The following UBE2O variants were observed in gnomAD, a reference collection of about 807,000 sequenced individuals.
UBE2O encodes ubiquitin conjugating enzyme E2 O, also known as (E3-independent) E2 ubiquitin-conjugating enzyme.
In UBE2O, 15 loss-of-function variants were observed where a neutral mutation model predicts 125.8. The observed-to-expected ratio is 0.12, with a 90% CI of 0.08 to 0.18. UBE2O has a LOEUF of 0.18. Among genes scored for constraint, UBE2O ranks in the 10% least tolerant of loss-of-function variants. UBE2O has a pLI of 1.00. For synonymous variants in UBE2O, 708 were observed against 703.2 expected, an observed-to-expected ratio of 1.01 and a Z score of -0.11; for missense variants, 1,280 against 1,723.6, an observed-to-expected ratio of 0.74 and a Z score of 4.56.
chr17:76,399,934 AGCAGAGAG>A lies in UBE2O; in HGVS notation c.1156-21_1156-14del, dbSNP rs2072288623. 1 of 1,588,834 alleles carries A rather than the reference AGCAGAGAG, an allele frequency of 6.3e-7. No homozygotes were observed. On this transcript the variant is annotated splice_polypyrimidine_tract_variant and intron_variant, in intron 8 of 17. Coordinates refer to ENST00000319380, the MANE Select transcript of UBE2O (RefSeq NM_022066.4). This position sits in a 1 kb window ranked among gnomAD's most constrained non-coding sequence, Gnocchi z 6.9. ...ACAGGCGCTTCACCTGCAAGGGCGGAGCAGAGAGGACAGGGCTGTGAGGTGCACCTGGG... is the reference window on the plus strand; with the variant it reads ...ACAGGCGCTTCACCTGCAAGGGCGGAGACAGGGCTGTGAGGTGCACCTGGG...
chr17:76,440,000 A>G (rs2073053455), intron 1 of UBE2O, among the ~76,000 whole-genome samples: 1 of 152,202 alleles, frequency 6.6e-6, no homozygotes, highest in African/African-American at 2.4e-5. Context: ...CCTAGCACCT[A>G]CTTTGGGCCA....
In UBE2O at chr17:76,405,308, C is replaced by A; in HGVS notation, c.486G>T (p.Gln162His). ...VVRHMRSTDS[Q>H]CGTVIDVNID... Reference sequence around the variant, plus strand: ...TGTTGACGTCGATCACCGTGCCACACTGACTGTCCTGGGGGAGGGAGGAGA... The same window carrying A: ...TGTTGACGTCGATCACCGTGCCACAATGACTGTCCTGGGGGAGGGAGGAGA... Residue 162 changes from glutamine (Q) to histidine (H), a missense_variant, in exon 3 of 18, where the codon CAG becomes CAT. Around this residue, in one of 10 missense-constraint regions of UBE2O, gnomAD observed 206 missense variants for 315.7 expected, o/e 0.65. Coordinates refer to ENST00000319380, the MANE Select transcript of UBE2O (RefSeq NM_022066.4). This position sits in a 1 kb window ranked among gnomAD's most constrained non-coding sequence, Gnocchi z 6.1. 1 of 1,610,736 alleles carries A rather than the reference C, an allele frequency of 6.2e-7. No individual in the cohort carries two copies. The highest frequency in any genetic ancestry group is 8.5e-7 in the Non-Finnish European group (1 of 1,177,522).
intron 1 of UBE2O, among the ~76,000 whole-genome samples, chr17:76,420,170 G>A (rs1394697923): frequency 6.6e-6 from 1 of 152,130 alleles, no homozygotes; most frequent in Non-Finnish European, 1.5e-5. Flanking sequence ...AAAATGCACC[G>A]TACCTTCCTA....
chr17:76,393,475 C>T (rs569699015), intron 15 of UBE2O, among the ~76,000 whole-genome samples: 12 of 151,746 alleles, frequency 7.9e-5, no homozygotes, highest in Admixed American at 2.0e-4. Flanking sequence ...CCTTGTGATC[C>T]GCCCACCTTG....
Position 76,399,332 on chromosome 17 carries a change from G to GT in UBE2O, c.1628+116_1628+117insA. 2 of 1,045,098 alleles carry GT rather than the reference G, an allele frequency of 1.9e-6. No individual in the cohort carries two copies. The highest frequency in any genetic ancestry group is 1.6e-5 in the South Asian group (1 of 62,604). The allele number at this position is 1,045,098 out of a possible 1,614,324, so 64.7% of individuals were successfully genotyped here. A position where few individuals can be genotyped will look rare whatever the true frequency, so the allele number is the denominator to read the frequency against. On this transcript the variant is annotated intron_variant, in intron 9 of 17. Transcript: ENST00000319380. The surrounding 1 kb of genome is among the most constrained non-coding windows in gnomAD (Gnocchi z 6.9). Reference sequence around the variant, plus strand: ...CGTTGTCTCGGGTGGGAGCCCCGGAGCCACTACAAGGCATGCAGAGGTGTG... The same window carrying GT: ...CGTTGTCTCGGGTGGGAGCCCCGGAGTCCACTACAAGGCATGCAGAGGTGTG...
chr17:76,415,089 G>A (rs1055624940), intron 1 of UBE2O, among the ~76,000 whole-genome samples: 2 of 152,176 alleles, frequency 1.3e-5, no homozygotes, highest in African/African-American at 4.8e-5. Flanking sequence ...TTTCAGATGC[G>A]ACAGGCTGCG....
chr17:76,425,290 AC>A (rs1365078542), intron 1 of UBE2O, among the ~76,000 whole-genome samples: 1 of 150,858 alleles, frequency 6.6e-6, no homozygotes, highest in Non-Finnish European at 1.5e-5. Context: ...ATTTTAAAGG[AC>A]CTACTTGGCT....
intron 13 of UBE2O, among the ~76,000 whole-genome samples, chr17:76,397,310 CCT>C (rs1006859650): frequency 3.9e-4 from 59 of 152,320 alleles, no homozygotes; most frequent in African/African-American, 1.1e-3. Flanking sequence ...ACTCCTGCCC[CCT>C]GTGTGGACCA....
At chr17:76,435,793 C>G (rs910587714) in intron 1 of UBE2O, among the ~76,000 whole-genome samples, 1 of 152,224 alleles carries the variant, frequency 6.6e-6, no homozygotes, top group Non-Finnish European at 1.5e-5. Flanking sequence ...ATTCCCTGAG[C>G]TGAAGGCACG....
At chr17:76,420,667 TCA>T (rs1237239299) in intron 1 of UBE2O, among the ~76,000 whole-genome samples, 11 of 152,170 alleles carry the variant, frequency 7.2e-5, no homozygotes, top group Non-Finnish European at 1.6e-4. Flanking sequence ...CATTTCTTTT[TCA>T]CAGAGAAGCA....
intron 1 of UBE2O, among the ~76,000 whole-genome samples, chr17:76,430,057 G>A (rs1429097298): frequency 2.0e-5 from 3 of 152,170 alleles, no homozygotes; most frequent in Non-Finnish European, 4.4e-5. Context: ...CACCTTGAGT[G>A]CCACCAATTG....
rs35062714 is a variant in UBE2O at position 76,419,283 on chromosome 17, CAAAA to C, written c.418-13715_418-13712del. On this transcript the variant is annotated intron_variant, in intron 1 of 17. Coordinates refer to ENST00000319380, the MANE Select transcript of UBE2O (RefSeq NM_022066.4). ...TGGGTGACAGAGTAAGACCCTATCT[CAAAA>C]AAAAAAAAAAAAAAAAAAAAATCCC... is the stretch of plus-strand genomic sequence containing the variant. 9.8e-3 allele frequency among the ~76,000 whole-genome samples: 618 copies of C among 63,270 alleles called. 5 individuals are homozygous for C. The highest frequency in any genetic ancestry group is 0.038 in the African/African-American group (584 of 15,350). The allele number at this position is 63,270 out of a possible 152,430, so 41.5% of individuals were successfully genotyped here. A position where few individuals can be genotyped will look rare whatever the true frequency, so the allele number is the denominator to read the frequency against.
rs1433494606 is a variant in UBE2O at position 76,452,741 on chromosome 17, T to C, written c.401A>G (p.His134Arg). 6.7e-7 allele frequency: 1 copy of C among 1,497,410 alleles called. No homozygotes were observed. Among genetic ancestry groups the C allele is most frequent in the African/African-American group, 1.4e-5 (1 of 69,302 alleles). 92.8% of individuals were successfully genotyped at this position (1,497,410 alleles called of 1,614,324 possible). ...VQWYPEGVKQ[H>R]VKETKLKLED... ...CCGCCGCACCTTGGTCTCCTTCACA[T>C]GCTGCTTGACGCCCTCCGGGTACCA... The change falls in exon 1 of 18, where the codon CAT (histidine) becomes CGT (arginine). Residue 134 changes from histidine to arginine, a missense_variant. By Grantham distance (29) the His-to-Arg change is conservative. Around this residue, in one of 10 missense-constraint regions of UBE2O, gnomAD observed 188 missense variants for 192.5 expected, o/e 0.98. Coordinates refer to ENST00000319380, the MANE Select transcript of UBE2O (RefSeq NM_022066.4). The surrounding 1 kb of genome is among the most constrained non-coding windows in gnomAD (Gnocchi z 4.4).
Position 76,390,729 on chromosome 17 carries a change from G to A in UBE2O, c.*214C>T, listed in dbSNP as rs78004313. On this transcript the variant is annotated 3_prime_UTR_variant, in exon 18 of 18. Transcript: ENST00000319380. Reference sequence around the variant, plus strand: ...CAGGGTTCCGATTTTCTTTGCCACAGGGGACCCGCCTGTTGAAAGCTCGCT... The same window carrying A: ...CAGGGTTCCGATTTTCTTTGCCACAAGGGACCCGCCTGTTGAAAGCTCGCT... 4.4e-3 allele frequency: 2,035 copies of A among 458,864 alleles called. 38 individuals are homozygous for A. Among genetic ancestry groups the A allele is most frequent in the African/African-American group, 0.038 (1,898 of 49,830 alleles). 28.4% of individuals were successfully genotyped at this position (458,864 alleles called of 1,614,324 possible).
Position 76,396,968 on chromosome 17 carries a change from C to A in UBE2O, c.2116-147G>T. 1 of 679,288 alleles carries A rather than the reference C, an allele frequency of 1.5e-6. No homozygotes were observed. Among genetic ancestry groups the A allele is most frequent in the Admixed American group, 3.1e-5 (1 of 32,476 alleles). The allele number at this position is 679,288 out of a possible 1,614,324, so 42.1% of individuals were successfully genotyped here. A position where few individuals can be genotyped will look rare whatever the true frequency, so the allele number is the denominator to read the frequency against. On this transcript the variant is annotated intron_variant, in intron 13 of 17. Transcript: ENST00000319380. This position sits in a 1 kb window ranked among gnomAD's most constrained non-coding sequence, Gnocchi z 6.7. ...CAACCTCATTCCACCCTTTCCCTGA[C>A]CTCTGCTCTGGCTTTTGCAGTCCCT...
Position 76,398,439 on chromosome 17 carries a change from C to T in UBE2O, c.1896+33G>A. 6.2e-7 allele frequency: 1 copy of T among 1,614,072 alleles called. No individual in the cohort carries two copies. Among genetic ancestry groups the T allele is most frequent in the East Asian group, 2.2e-5 (1 of 44,886 alleles). On this transcript the variant is annotated intron_variant, in intron 11 of 17. Transcript: ENST00000319380. The surrounding 1 kb of genome is among the most constrained non-coding windows in gnomAD (Gnocchi z 5.4). ...GGGGTCCTACACCCAACCCCAGAGC[C>T]CACCTGAAGCAAGCAGTAGGGGCTG...
At chr17:76,433,669 G>A (rs548015366) in intron 1 of UBE2O, among the ~76,000 whole-genome samples, 21 of 150,604 alleles carry the variant, frequency 1.4e-4, no homozygotes, top group South Asian at 6.3e-4. Flanking sequence ...TGAGTATTGC[G>A]CCACTGCATT....
chr17:76,430,153 TTC>T (rs1479432304), intron 1 of UBE2O, among the ~76,000 whole-genome samples: 1 of 152,212 alleles, frequency 6.6e-6, no homozygotes, highest in East Asian at 1.9e-4. Context: ...CTGCTCAGTC[TTC>T]TGTTTGCCTT....
At chr17:76,435,441 CACACACACACACACAA>C (rs1158815386) in intron 1 of UBE2O, among the ~76,000 whole-genome samples, 13 of 151,504 alleles carry the variant, frequency 8.6e-5, no homozygotes, top group African/African-American at 3.1e-4. Flanking sequence ...CACACACACA[CACACACACACACACAA>C]AGATTAAGAT....
Sources: allele counts gnomAD v4.1 joint callset (sites outside exome capture counted in the v4.1 genomes callset), GRCh38; gene constraint gnomAD v4.1.1; regional missense constraint gnomAD v4.1.1; non-coding constraint Gnocchi (gnomAD v3.1); transcripts MANE v1.5; gene names NCBI Gene and HGNC (gene_info 2026-07-23, HGNC 2026-07-21).